CELF2: variants seen among roughly 807,000 people sequenced by gnomAD.
CELF2 encodes the protein CUG triplet repeat RNA-binding protein 2.
CELF2 carries 8 observed loss-of-function variants against 62.6 expected under a neutral mutation model. The observed-to-expected ratio is 0.13, with a 90% CI of 0.07 to 0.23. CELF2 has a LOEUF of 0.23. Ranked by LOEUF, CELF2 falls within the 10% of genes least tolerant of loss-of-function variation. CELF2 has a pLI of 1.00. For missense variants in CELF2, 333 were observed against 671.0 expected (o/e 0.50, Z 5.56); for synonymous variants, 258 against 250.0 (o/e 1.03, Z -0.30).
At chr10:10,850,076 G>A (rs2059288385) in intron 1 of CELF2, among the ~76,000 whole-genome samples, 1 of 152,120 alleles carries the variant, frequency 6.6e-6, no homozygotes, top group African/African-American at 2.4e-5. Context: ...TTGAACCTGG[G>A]AGGCGGAGAT....
the CELF2 span, among the ~76,000 whole-genome samples, chr10:10,504,602 C>T: frequency 1.3e-5 from 2 of 152,050 alleles, no homozygotes; most frequent in East Asian, 3.8e-4. Flanking sequence ...AGCATTATTT[C>T]TTTGAGTACT....
rs1555067024 is a variant in CELF2 at position 11,285,826 on chromosome 10, G to GGGGTGTGTGTGT, written c.842-2591_842-2590insGGTGTGTGTGTG. The stretch of plus-strand genomic sequence containing the variant: ...TTGCTCATCACCTACTATATATATT[G>GGGGTGTGTGTGT]GTGTGTGTGTGTGTGTGTGTGTGTG... On this transcript the variant is annotated intron_variant, in intron 8 of 12. Transcript: ENST00000633077. This position sits in a 1 kb window ranked among gnomAD's most constrained non-coding sequence, Gnocchi z 4.3. Among the ~76,000 whole-genome samples, 2 of 128,698 alleles carry GGGGTGTGTGTGT rather than the reference G, an allele frequency of 1.6e-5. No individual in the cohort carries two copies. The highest frequency in any genetic ancestry group is 1.6e-5 in the Non-Finnish European group (1 of 61,518). The allele number at this position is 128,698 out of a possible 152,430, so 84.4% of individuals were successfully genotyped here. A position where few individuals can be genotyped will look rare whatever the true frequency, so the allele number is the denominator to read the frequency against.
chr10:11,225,601 T>TGAGAACCA (rs2066262458), intron 3 of CELF2, among the ~76,000 whole-genome samples: 1 of 152,224 alleles, frequency 6.6e-6, no homozygotes, highest in African/African-American at 2.4e-5. Flanking sequence ...CCTCTCTGGT[T>TGAGAACCA]GAGAACCAAC....
At chr10:10,814,214 TAAAAAAAA>T (rs759524110) in intron 1 of CELF2, among the ~76,000 whole-genome samples, 3 of 44,432 alleles carry the variant, frequency 6.8e-5, no homozygotes, top group African/African-American at 9.1e-5. Context: ...AGAAGAGTCC[TAAAAAAAA>T]AAAAAAAAAA....
chr10:11,124,908 T>C (rs2058410377), intron 1 of CELF2, among the ~76,000 whole-genome samples: 1 of 152,212 alleles, frequency 6.6e-6, no homozygotes, highest in Non-Finnish European at 1.5e-5. Flanking sequence ...ATTTTCTTCT[T>C]ACAGACCAGG....
chr10:10,591,718 T>G, the CELF2 span, among the ~76,000 whole-genome samples: 1 of 152,238 alleles, frequency 6.6e-6, no homozygotes, highest in Non-Finnish European at 1.5e-5. Context: ...AGATTTTCCA[T>G]GAATGGGAAT....
At chr10:10,851,692 C>A (rs1022441314) in intron 1 of CELF2, among the ~76,000 whole-genome samples, 1 of 152,062 alleles carries the variant, frequency 6.6e-6, no homozygotes, top group Non-Finnish European at 1.5e-5. Flanking sequence ...AGGTCTAAAT[C>A]CTCTCTGTGA....
intron 2 of CELF2, among the ~76,000 whole-genome samples, chr10:10,976,279 G>A (rs77351891): frequency 0.012 from 1,755 of 152,252 alleles, 35 homozygotes; most frequent in African/African-American, 0.04. Context: ...CAGGAAACTT[G>A]GGCTTGGATA....
the CELF2 span, among the ~76,000 whole-genome samples, chr10:10,750,284 G>GAAAA: frequency 9.0e-6 from 1 of 110,796 alleles, no homozygotes; most frequent in Non-Finnish European, 2.0e-5. Flanking sequence ...CCATCTCAAA[G>GAAAA]AAAAAAAAAA....
In CELF2 at chr10:11,318,003, A is replaced by G. The variant is rs892233179; in HGVS notation, c.1097-3186A>G. The G allele has an allele frequency of 2.6e-5, 4 of 152,238 alleles. No individual in the cohort carries two copies. The highest frequency in any genetic ancestry group is 1.3e-4 in the Admixed American group (2 of 15,284). The allele number at this position is 152,238 out of a possible 1,614,324, so 9.4% of individuals were successfully genotyped here. A position where few individuals can be genotyped will look rare whatever the true frequency, so the allele number is the denominator to read the frequency against. ...GGAAAAGCCCTATTCTTTTAAGTGG[A>G]AGCATTTTATTCAACTTGACTTTCT... On this transcript the variant is annotated intron_variant, in intron 10 of 12. Coordinates refer to ENST00000633077, the MANE Select transcript of CELF2 (RefSeq NM_001326342.2). The surrounding 1 kb of genome is among the most constrained non-coding windows in gnomAD (Gnocchi z 5.4).
intron 1 of CELF2, among the ~76,000 whole-genome samples, chr10:11,071,862 C>T (rs2070151326): frequency 6.6e-6 from 1 of 152,186 alleles, no homozygotes; most frequent in Non-Finnish European, 1.5e-5. Flanking sequence ...TATCTCACCC[C>T]TGACAAGTCC....
intron 1 of CELF2, among the ~76,000 whole-genome samples, chr10:11,138,408 A>G (rs914458559): frequency 5.9e-5 from 9 of 152,232 alleles, no homozygotes; most frequent in African/African-American, 2.2e-4. Flanking sequence ...GTTGCAGCAC[A>G]GAGAGCTTCT....
intron 2 of CELF2, among the ~76,000 whole-genome samples, chr10:11,195,264 A>G (rs553350637): frequency 1.2e-4 from 19 of 152,246 alleles, no homozygotes; most frequent in Admixed American, 7.2e-4. Flanking sequence ...GTTAACTGCT[A>G]TTTGGCTCAT....
At chr10:11,130,481 A>T (rs920047371) in intron 1 of CELF2, among the ~76,000 whole-genome samples, 2 of 152,198 alleles carry the variant, frequency 1.3e-5, no homozygotes, top group Non-Finnish European at 2.9e-5. Context: ...CTTGTAAGAC[A>T]TTTATCACTC....
Position 11,332,341 on chromosome 10 carries a change from A to G in CELF2, c.*3288A>G, listed in dbSNP as rs1015643717. The G allele has an allele frequency of 6.6e-6, 1 of 152,210 alleles. No individual in the cohort carries two copies. Among genetic ancestry groups the G allele is most frequent in the Non-Finnish European group, 1.5e-5 (1 of 68,052 alleles). 9.4% of individuals were successfully genotyped at this position (152,210 alleles called of 1,614,324 possible). A position where few individuals can be genotyped will look rare whatever the true frequency, so the allele number is the denominator to read the frequency against. On this transcript the variant is annotated 3_prime_UTR_variant, in exon 13 of 13. Coordinates refer to ENST00000633077, the MANE Select transcript of CELF2 (RefSeq NM_001326342.2). ...TCCTAAATAATATTTCTAATCAGCCATTATGCTGGGGCATCTCTGATCCCA... is the reference window on the plus strand; with the variant it reads ...TCCTAAATAATATTTCTAATCAGCCGTTATGCTGGGGCATCTCTGATCCCA...
At chr10:10,627,324 T>G in the CELF2 span, among the ~76,000 whole-genome samples, 1 of 152,180 alleles carries the variant, frequency 6.6e-6, no homozygotes, top group Admixed American at 6.5e-5. Context: ...TGGCTATGTT[T>G]CAATGTTAAT....
intron 1 of CELF2, among the ~76,000 whole-genome samples, chr10:11,130,263 C>A (rs908828869): frequency 1.3e-5 from 2 of 151,990 alleles, no homozygotes; most frequent in African/African-American, 4.8e-5. Flanking sequence ...TCTGTTTAAA[C>A]CATTCATTCA....
rs759524110 is a variant in CELF2 at position 10,814,214 on chromosome 10, T to TAAAAAAAAAAAA, written c.53+15412_53+15423dup. ...AAGGAAGAAAGGGAAAGAAGAGTCC[T>TAAAAAAAAAAAA]AAAAAAAAAAAAAAAAAAAAAAAAA... On this transcript the variant is annotated intron_variant, in intron 1 of 13. Coordinates refer to the CELF2 transcript ENST00000636488. 2.5e-4 allele frequency among the ~76,000 whole-genome samples: 11 copies of TAAAAAAAAAAAA among 44,432 alleles called. 2 individuals carry two copies. Among genetic ancestry groups the TAAAAAAAAAAAA allele is most frequent in the East Asian group, 1.9e-3 (3 of 1,568 alleles). The allele number at this position is 44,432 out of a possible 152,430, so 29.1% of individuals were successfully genotyped here. A position where few individuals can be genotyped will look rare whatever the true frequency, so the allele number is the denominator to read the frequency against.
the CELF2 span, among the ~76,000 whole-genome samples, chr10:10,775,613 C>CA: frequency 1.2e-3 from 166 of 136,644 alleles, no homozygotes; most frequent in Non-Finnish European, 2.3e-3. Context: ...GACTCTGTCT[C>CA]AAAAAAAAAA....
Sources: gnomAD v4.1 joint callset for allele counts (sites outside exome capture counted in the v4.1 genomes callset) on GRCh38, gnomAD v4.1.1 for gene constraint, Gnocchi (gnomAD v3.1) non-coding constraint, MANE v1.5 for transcripts, NCBI Gene and HGNC (gene_info 2026-07-23, HGNC 2026-07-21) for gene names.